The following CACNA1D variants were observed in gnomAD, a reference collection of about 807,000 sequenced individuals.
CACNA1D encodes voltage-dependent L-type calcium channel subunit alpha-1D.
CACNA1D carries 55 observed loss-of-function variants against 257.1 expected under a neutral mutation model. The observed-to-expected ratio is 0.21, with a 90% CI of 0.17 to 0.27. The LOEUF (loss-of-function observed/expected upper bound fraction) is 0.27, where lower values mean the gene tolerates loss of function less well. Among genes scored for constraint, CACNA1D ranks in the 10% least tolerant of loss-of-function variants. The pLI is 1.00. For synonymous variants in CACNA1D, 980 were observed against 1,014.9 expected (o/e 0.97, Z 0.65); for missense variants, 1,876 against 2,784.0 (o/e 0.67, Z 7.34).
At chr3:53,732,210 G>A (rs939449696) in intron 18 of CACNA1D, 128 bp downstream of exon 18, 23 of 741,050 alleles carry the variant, frequency 3.1e-5, no homozygotes, top group African/African-American at 5.2e-5. Context: ...CACCAAGGCC[G>A]TGGGACCAGT....
chr3:53,666,385 T>C lies in CACNA1D; in HGVS notation c.966T>C (p.Asn322=), dbSNP rs2094263854. 2 of 1,614,082 alleles carry C rather than the reference T, an allele frequency of 1.2e-6. No homozygotes were observed. The highest frequency in any genetic ancestry group is 1.7e-6 in the Non-Finnish European group (2 of 1,180,042). Residue 322 remains asparagine, a synonymous_variant, in exon 7 of 48, where the codon AAT becomes AAC. Coordinates refer to ENST00000350061, the MANE Select transcript of CACNA1D (RefSeq NM_001128840.3). ...CAGCTCCATGTGCGTTCTCAGGGAA[T>C]GGACGCCAGTGTACTGCCAATGGCA... is the stretch of plus-strand genomic sequence containing the variant. ...EDPAPCAFSG[N]GRQCTANGTE...
At chr3:53,698,203 A>G (rs2094589545) in intron 8 of CACNA1D, among the ~76,000 whole-genome samples, 1 of 152,230 alleles carries the variant, frequency 6.6e-6, no homozygotes, top group South Asian at 2.1e-4. Flanking sequence ...TATACCTTCA[A>G]TTCCAGCCTG....
rs150494050 is a variant in CACNA1D at position 53,562,539 on chromosome 3, T to C, written c.483+60819T>C. On this transcript the variant is annotated intron_variant, in intron 3 of 47. Transcript: ENST00000350061. ...TTTATAGCTGTATTGAAGTATAGTT[T>C]ACATATCAAAAAATTCACCTGTTTT... Among the ~76,000 whole-genome samples the C allele has an allele frequency of 1.1e-4, 16 of 152,362 alleles. No individual in the cohort carries two copies. The East Asian group carries it at 2.9e-3, about 27-fold the overall frequency.
At chr3:53,742,197 G>A (rs1057004886) in intron 21 of CACNA1D, among the ~76,000 whole-genome samples, 1 of 152,184 alleles carries the variant, frequency 6.6e-6, no homozygotes, top group South Asian at 2.1e-4. Context: ...ATTTCATAAG[G>A]TTCAATGTAA....
At chr3:53,498,831 C>T (rs1448619841) in intron 2 of CACNA1D, among the ~76,000 whole-genome samples, 2 of 152,154 alleles carry the variant, frequency 1.3e-5, no homozygotes, top group African/African-American at 4.8e-5. Context: ...GAGGGGTTCT[C>T]ATGTGCTTTT....
intron 40 of CACNA1D, among the ~76,000 whole-genome samples, chr3:53,787,843 C>T (rs2095463961): frequency 1.3e-5 from 2 of 152,082 alleles, no homozygotes; most frequent in Non-Finnish European, 2.9e-5. Context: ...CAGAGGCTGG[C>T]AAATCATCTG....
chr3:53,652,306 A>G (rs2094105921), intron 4 of CACNA1D, among the ~76,000 whole-genome samples: 1 of 152,156 alleles, frequency 6.6e-6, no homozygotes, highest in Non-Finnish European at 1.5e-5. Flanking sequence ...TTTTCACACT[A>G]CAGCACAGCA....
intron 14 of CACNA1D, 55 bp from the exon 15 acceptor site, chr3:53,726,824 G>C: frequency 6.2e-7 from 1 of 1,613,708 alleles, no homozygotes; most frequent in African/African-American, 1.3e-5. Flanking sequence ...GGCTCTAAGA[G>C]AGCGGCTGCA....
At chr3:53,622,709 G>A (rs142616835) in intron 3 of CACNA1D, among the ~76,000 whole-genome samples, 1 of 152,038 alleles carries the variant, frequency 6.6e-6, no homozygotes, top group Admixed American at 6.6e-5. Context: ...ATCTGTACAA[G>A]TTTACCTGTA....
At chr3:53,760,733 G>A (rs116564760) in intron 29 of CACNA1D, among the ~76,000 whole-genome samples, 1 of 152,348 alleles carries the variant, frequency 6.6e-6, no homozygotes, top group African/African-American at 2.4e-5. Flanking sequence ...TTGTGGGGAT[G>A]TTGTACCCTC....
chr3:53,762,139 C>G (rs1011444599), intron 30 of CACNA1D, 58 bp downstream of exon 30: 10 of 1,038,534 alleles, frequency 9.6e-6, no homozygotes, highest in Admixed American at 1.7e-5. Flanking sequence ...TCTGTGCATA[C>G]TCCGCTCCCT....
intron 3 of CACNA1D, among the ~76,000 whole-genome samples, chr3:53,529,205 GT>G (rs1306211401): frequency 2.0e-5 from 3 of 152,052 alleles, no homozygotes; most frequent in Non-Finnish European, 2.9e-5. Context: ...TTTCCTGAGA[GT>G]TTTTATTATG....
At chr3:53,743,648 G>C (rs1431543971) in intron 22 of CACNA1D, among the ~76,000 whole-genome samples, 1 of 152,212 alleles carries the variant, frequency 6.6e-6, no homozygotes, top group African/African-American at 2.4e-5. Context: ...CTTTTCCATG[G>C]CATTTAGCGA....
At chr3:53,731,281 C>A (rs2094989399) in intron 17 of CACNA1D, 135 bp downstream of exon 17, 1 of 687,544 alleles carries the variant, frequency 1.5e-6, no homozygotes, top group African/African-American at 1.8e-5. Context: ...TATGGCACAC[C>A]ATATAGACCC....
intron 3 of CACNA1D, among the ~76,000 whole-genome samples, chr3:53,559,839 G>GC (rs2092706448): frequency 2.0e-5 from 3 of 152,052 alleles, no homozygotes; most frequent in Admixed American, 1.3e-4. Flanking sequence ...TGTGTCCAAG[G>GC]CCAAGCGCTT....
intron 8 of CACNA1D, among the ~76,000 whole-genome samples, chr3:53,702,329 G>C (rs1423636200): frequency 6.6e-6 from 1 of 152,222 alleles, no homozygotes; most frequent in African/African-American, 2.4e-5. Flanking sequence ...GGGGGTGTCA[G>C]AGGCCTGCCA....
At chr3:53,507,093 A>C (rs953473052) in intron 3 of CACNA1D, among the ~76,000 whole-genome samples, 3 of 149,830 alleles carry the variant, frequency 2.0e-5, no homozygotes, top group Admixed American at 6.6e-5. Flanking sequence ...AAAAAAAAAA[A>C]CAAAAAAATG....
intron 9 of CACNA1D, among the ~76,000 whole-genome samples, chr3:53,712,460 A>G (rs765026793): frequency 6.6e-6 from 1 of 152,230 alleles, no homozygotes; most frequent in Non-Finnish European, 1.5e-5. Context: ...CCATTCTCCA[A>G]GAAGAGCCTG....
chr3:53,543,068 T>C (rs2092335172), intron 3 of CACNA1D, among the ~76,000 whole-genome samples: 1 of 138,888 alleles, frequency 7.2e-6, no homozygotes, highest in Non-Finnish European at 1.6e-5. Flanking sequence ...ACCCTAAAAC[T>C]TAAAGTATAA....
Sources: gnomAD v4.1 joint callset for allele counts (sites outside exome capture counted in the v4.1 genomes callset) on GRCh38, gnomAD v4.1.1 for gene constraint, MANE v1.5 for transcripts, NCBI Gene and HGNC (gene_info 2026-07-23, HGNC 2026-07-21) for gene names.